Variants in GOLGA4 observed in about 807,000 individuals in gnomAD.
GOLGA4 encodes the protein golgin subfamily A member 4.
A neutral mutation model predicts 265.9 loss-of-function variants in GOLGA4; 169 were observed. That is an observed-to-expected ratio of 0.64 (90% CI 0.56 to 0.72). GOLGA4 has a LOEUF of 0.72. Ranked by LOEUF, GOLGA4 falls within the 30% of genes least tolerant of loss-of-function variation. The pLI is 0.00. For missense variants in GOLGA4, 2,482 were observed against 2,483.4 expected, an observed-to-expected ratio of 1.00 and a Z score of 0.01; for synonymous variants, 923 against 855.8, an observed-to-expected ratio of 1.08 and a Z score of -1.37.
chr3:37,281,848 A>G (rs1442192451), intron 2 of GOLGA4, 110 bp from the exon 3 acceptor site: 1 of 782,620 alleles, frequency 1.3e-6, no homozygotes, highest in Non-Finnish European at 2.1e-6. Flanking sequence ...AATGTCAGGA[A>G]TATAAATTCA....
At position 37,324,179 on chromosome 3, in the gene GOLGA4, T is replaced by C; in HGVS notation, c.2293T>C (p.Leu765=). 1 of 1,614,050 alleles carries C rather than the reference T, an allele frequency of 6.2e-7. No individual in the cohort carries two copies. The change falls in exon 14 of 24, where the codon TTG becomes CTG. Residue 765 remains leucine, a synonymous_variant. Coordinates refer to ENST00000361924, the MANE Select transcript of GOLGA4 (RefSeq NM_002078.5). ...KDQINQLELL[L]KERDKHLKEH... ...TCAAATTAATCAACTTGAGCTTCTC[T>C]TGAAGGAAAGGGACAAGCATTTGAA... is the stretch of plus-strand genomic sequence containing the variant.
intron 2 of GOLGA4, among the ~76,000 whole-genome samples, chr3:37,257,772 C>G (rs2096752845): frequency 6.6e-6 from 1 of 150,808 alleles, no homozygotes; most frequent in Non-Finnish European, 1.5e-5. Flanking sequence ...TCCTGAGACA[C>G]TTCCTTATTT....
At position 37,340,224 on chromosome 3, in the gene GOLGA4, A is replaced by G. The variant is rs752615850; in HGVS notation, c.6472+25A>G. 10 of 853,752 alleles carry G rather than the reference A, an allele frequency of 1.2e-5. No individual in the cohort carries two copies. In the African/African-American group the frequency reaches 1.2e-4, roughly 10 times the overall value. 52.9% of individuals were successfully genotyped at this position (853,752 alleles called of 1,614,324 possible). On this transcript the variant is annotated intron_variant, in intron 20 of 23. Coordinates refer to ENST00000361924, the MANE Select transcript of GOLGA4 (RefSeq NM_002078.5). ...GGTAAGGATGATCTCGTGTCATGTT[A>G]TTAACTGTTATCTTTTATTGGTGGA... is the stretch of plus-strand genomic sequence containing the variant.
chr3:37,289,538 G>A (rs948866498), intron 5 of GOLGA4, among the ~76,000 whole-genome samples: 1 of 152,186 alleles, frequency 6.6e-6, no homozygotes, highest in Non-Finnish European at 1.5e-5. Flanking sequence ...AACAGTCAGC[G>A]TCAACTTCCA....
At chr3:37,350,516 A>AT (rs1559467727) in intron 21 of GOLGA4, among the ~76,000 whole-genome samples, 1 of 152,024 alleles carries the variant, frequency 6.6e-6, no homozygotes, top group African/African-American at 2.4e-5. Context: ...TGAATTTTAG[A>AT]TTTTTTGGTA....
chr3:37,322,001 T>A, intron 13 of GOLGA4, 115 bp downstream of exon 13: 1 of 790,010 alleles, frequency 1.3e-6, no homozygotes. Context: ...TATGTATACA[T>A]GCCCTTCATT....
At chr3:37,306,040 G>GT (rs2096905118) in intron 10 of GOLGA4, among the ~76,000 whole-genome samples, 2 of 152,046 alleles carry the variant, frequency 1.3e-5, no homozygotes, top group South Asian at 4.1e-4. Context: ...TATTTTCTTT[G>GT]TTTTATTTTT....
chr3:37,366,042 C>T, intron 23 of GOLGA4, 38 bp from the exon 24 acceptor site: 1 of 1,501,582 alleles, frequency 6.7e-7, no homozygotes, highest in Non-Finnish European at 8.8e-7. Context: ...GATTTTTTTG[C>T]CCCCTTTCTT....
intron 11 of GOLGA4, 60 bp downstream of exon 11, chr3:37,315,658 C>T (rs1206658074): frequency 3.8e-6 from 5 of 1,324,390 alleles, no homozygotes; most frequent in African/African-American, 2.9e-5. Context: ...GTGTATTTTT[C>T]CTTACACTCT....
At chr3:37,360,675 G>C (rs1332017944) in intron 22 of GOLGA4, among the ~76,000 whole-genome samples, 1 of 152,086 alleles carries the variant, frequency 6.6e-6, no homozygotes, top group African/African-American at 2.4e-5. Flanking sequence ...AACTATATTT[G>C]AGATTGAGTT....
At chr3:37,275,348 GT>G (rs200700451) in intron 2 of GOLGA4, among the ~76,000 whole-genome samples, 3,292 of 152,082 alleles carry the variant, frequency 0.022, 94 homozygotes, top group African/African-American at 0.064. Flanking sequence ...GGCTGGTCAG[GT>G]TGTGGGAACA....
Position 37,277,758 on chromosome 3 carries a change from G to T in GOLGA4, c.163-4200G>T, listed in dbSNP as rs1351518471. Among the ~76,000 whole-genome samples, 3 of 151,794 alleles carry T rather than the reference G, an allele frequency of 2.0e-5. No homozygotes were observed. The East Asian group carries it at 5.8e-4, about 29-fold the overall frequency. On this transcript the variant is annotated intron_variant, in intron 2 of 23. Transcript: ENST00000361924. ...TTTGGAGTAAGACAAAAATTGTTTT[G>T]ACATAGGTTCCCTAGGGTACACTTG...
intron 1 of GOLGA4, among the ~76,000 whole-genome samples, chr3:37,246,534 G>C (rs9829011): frequency 0.015 from 2,293 of 152,266 alleles, 54 homozygotes; most frequent in African/African-American, 0.052. Flanking sequence ...ATGAATACAT[G>C]ACTCCACTTA....
rs532832207 is a variant in GOLGA4, at chr3:37,275,660, G to T, written c.163-6298G>T. Reference sequence around the variant, plus strand: ...CAGCTTCGCCCACTTCCCCTTGCCAGCGGGGTGGGCGCGGAGAAGACCTGC... The same window carrying T: ...CAGCTTCGCCCACTTCCCCTTGCCATCGGGGTGGGCGCGGAGAAGACCTGC... On this transcript the variant is annotated intron_variant, in intron 2 of 23. Coordinates refer to ENST00000361924, the MANE Select transcript of GOLGA4 (RefSeq NM_002078.5). 5.6e-6 allele frequency: 9 copies of T among 1,611,046 alleles called. No homozygotes were observed. In the South Asian group the frequency reaches 9.9e-5, roughly 18 times the overall value.
intron 9 of GOLGA4, 128 bp from the exon 10 acceptor site, chr3:37,302,056 TG>T: frequency 2.7e-6 from 2 of 750,912 alleles, no homozygotes; most frequent in Non-Finnish European, 4.4e-6. Context: ...CCCAAAGTGC[TG>T]GGATTATGGA....
At chr3:37,271,244 T>G (rs1344263383) in intron 2 of GOLGA4, among the ~76,000 whole-genome samples, 1 of 152,098 alleles carries the variant, frequency 6.6e-6, no homozygotes, top group African/African-American at 2.4e-5. Flanking sequence ...TTTGTGACCC[T>G]TGCTTTATAG....
intron 3 of GOLGA4, among the ~76,000 whole-genome samples, chr3:37,283,889 C>G (rs2096841312): frequency 6.6e-6 from 1 of 152,142 alleles, no homozygotes; most frequent in African/African-American, 2.4e-5. Context: ...TTAATTAGCT[C>G]AGTTTTGTAG....
chr3:37,352,562 G>T (rs1185177987), intron 21 of GOLGA4, among the ~76,000 whole-genome samples: 1 of 152,000 alleles, frequency 6.6e-6, no homozygotes, highest in Non-Finnish European at 1.5e-5. Context: ...TTATGATATG[G>T]AGATGTCTTC....
chr3:37,337,769 A>G (rs1176382019), intron 19 of GOLGA4, 35 bp downstream of exon 19: 2 of 1,359,654 alleles, frequency 1.5e-6, no homozygotes, highest in Non-Finnish European at 2.1e-6. Context: ...ATTTTGAACT[A>G]AAGTTTCGTT....
Sources: allele counts gnomAD v4.1 joint callset (sites outside exome capture counted in the v4.1 genomes callset), GRCh38; gene constraint gnomAD v4.1.1; transcripts MANE v1.5; gene names NCBI Gene and HGNC (gene_info 2026-07-23, HGNC 2026-07-21).